Variants in OSBPL2 observed in about 807,000 individuals in gnomAD.
The protein encoded by OSBPL2 is oxysterol binding protein like 2, also known as oxysterol-binding protein-related protein 2.
OSBPL2 carries 18 observed loss-of-function variants against 58.4 expected under a neutral mutation model. The ratio of observed to expected loss-of-function variants is 0.31; its 90% CI spans 0.21 to 0.46. The LOEUF (loss-of-function observed/expected upper bound fraction) is 0.46. Ranked by LOEUF, OSBPL2 falls within the 20% of genes least tolerant of loss-of-function variation. The pLI is 1.00. For synonymous variants in OSBPL2, 221 were observed against 234.1 expected, an observed-to-expected ratio of 0.94 and a Z score of 0.51; for missense variants, 461 against 616.5, an observed-to-expected ratio of 0.75 and a Z score of 2.67.
intron 1 of OSBPL2, among the ~76,000 whole-genome samples, chr20:62,248,784 G>A (rs1980328563): frequency 1.3e-5 from 2 of 152,064 alleles, no homozygotes; most frequent in African/African-American, 2.4e-5. Flanking sequence ...TCCAACACCT[G>A]GGGTCAAGCA....
intron 1 of OSBPL2, among the ~76,000 whole-genome samples, chr20:62,239,737 G>C (rs1979595279): frequency 6.6e-6 from 1 of 152,214 alleles, no homozygotes; most frequent in Non-Finnish European, 1.5e-5. Context: ...GGGAAGCCAC[G>C]GCCGTCCCTG....
intron 5 of OSBPL2, 39 bp downstream of exon 5, chr20:62,272,298 A>T (rs763987513): frequency 6.2e-7 from 1 of 1,604,202 alleles, no homozygotes; most frequent in Non-Finnish European, 8.5e-7. Flanking sequence ...TTGTCATGAA[A>T]GTGATGCCCC....
intron 1 of OSBPL2, among the ~76,000 whole-genome samples, chr20:62,250,956 A>G (rs1019439776): frequency 6.6e-6 from 1 of 151,970 alleles, no homozygotes; most frequent in African/African-American, 2.4e-5. Flanking sequence ...TAAATAAACA[A>G]GCAAAAGGGA....
intron 11 of OSBPL2, 28 bp from the exon 12 acceptor site, chr20:62,289,179 G>A: frequency 2.5e-6 from 4 of 1,612,566 alleles, no homozygotes; most frequent in Non-Finnish European, 3.4e-6. Context: ...GCCCTGCTGA[G>A]GTCGTGTCTC....
At chr20:62,278,606 G>A (rs1438810753) in intron 6 of OSBPL2, 2 of 156,460 alleles carry the variant, frequency 1.3e-5, no homozygotes, top group Non-Finnish European at 2.5e-5. Flanking sequence ...TTGTGTGTGT[G>A]TCTGTTGCCA....
At chr20:62,282,292 G>A (rs1244545079) in intron 9 of OSBPL2, among the ~76,000 whole-genome samples, 3 of 152,280 alleles carry the variant, frequency 2.0e-5, no homozygotes, top group South Asian at 4.1e-4. Flanking sequence ...CTTGAGGGGC[G>A]TCAGTGTCAC....
At chr20:62,240,536 G>A (rs1358576552) in intron 1 of OSBPL2, among the ~76,000 whole-genome samples, 1 of 152,138 alleles carries the variant, frequency 6.6e-6, no homozygotes, top group African/African-American at 2.4e-5. Flanking sequence ...GGAACAGAGA[G>A]GTTAAGTAAC....
intron 1 of OSBPL2, among the ~76,000 whole-genome samples, chr20:62,249,644 GGCTTACT>G (rs1482783426): frequency 6.6e-6 from 1 of 152,092 alleles, no homozygotes; most frequent in Non-Finnish European, 1.5e-5. Flanking sequence ...GCGCGATCTC[GGCTTACT>G]GCAACCTCCG....
intron 4 of OSBPL2, among the ~76,000 whole-genome samples, chr20:62,264,196 C>T (rs1215406006): frequency 6.6e-6 from 1 of 152,108 alleles, no homozygotes; most frequent in Non-Finnish European, 1.5e-5. Context: ...GACATAAGAA[C>T]CATCCTGCAA....
chr20:62,266,946 T>C (rs937946683), intron 4 of OSBPL2, among the ~76,000 whole-genome samples: 2 of 152,210 alleles, frequency 1.3e-5, no homozygotes, highest in Non-Finnish European at 2.9e-5. Flanking sequence ...TGTTGCTCTT[T>C]CTCTGAATTT....
chr20:62,294,235 G>A lies in OSBPL2; in HGVS notation c.*348G>A, dbSNP rs1983719139. On this transcript the variant is annotated 3_prime_UTR_variant, in exon 14 of 14. Transcript: ENST00000313733. ...CATGTGTAGCTAAAGGAAGTAATGG[G>A]AAGGGGTTCATGTTCTCTTTATAAT... 1 of 305,844 alleles carries A rather than the reference G, an allele frequency of 3.3e-6. No individual in the cohort carries two copies. The highest frequency in any genetic ancestry group is 7.1e-5 in the East Asian group (1 of 14,078). 18.9% of individuals were successfully genotyped at this position (305,844 alleles called of 1,614,324 possible).
At chr20:62,245,736 C>T (rs1422493577) in intron 1 of OSBPL2, among the ~76,000 whole-genome samples, 1 of 152,206 alleles carries the variant, frequency 6.6e-6, no homozygotes, top group Non-Finnish European at 1.5e-5. Flanking sequence ...TCACTCGTGA[C>T]GGGCTGCAGA....
At chr20:62,258,194 C>T (rs1568832402) in intron 2 of OSBPL2, among the ~76,000 whole-genome samples, 1 of 152,148 alleles carries the variant, frequency 6.6e-6, no homozygotes, top group Non-Finnish European at 1.5e-5. Flanking sequence ...AAGGGACAGA[C>T]ATCTAGGTGA....
chr20:62,243,816 C>T (rs932185106), intron 1 of OSBPL2, among the ~76,000 whole-genome samples: 3 of 149,920 alleles, frequency 2.0e-5, no homozygotes, highest in Admixed American at 1.3e-4. Flanking sequence ...AAAAAATGAA[C>T]GAAAAATTTT....
intron 4 of OSBPL2, among the ~76,000 whole-genome samples, chr20:62,270,102 G>A (rs753129862): frequency 7.2e-5 from 11 of 152,224 alleles, no homozygotes; most frequent in Non-Finnish European, 1.5e-4. Flanking sequence ...CGTCCTTGTG[G>A]TGCTGTGCAC....
Position 62,279,302 on chromosome 20 carries a change from G to A in OSBPL2, c.637G>A (p.Ala213Thr), listed in dbSNP as rs1268748941. 2 of 1,614,250 alleles carry A rather than the reference G, an allele frequency of 1.2e-6. No individual in the cohort carries two copies. The highest frequency in any genetic ancestry group is 2.7e-5 in the African/African-American group (2 of 75,066). Residue 213 changes from alanine (A) to threonine (T), a missense_variant, in exon 7 of 14, where the codon GCG becomes ACG. Around this residue, in one of 5 missense-constraint regions of OSBPL2, gnomAD observed 319 missense variants for 419.2 expected, o/e 0.76. Transcript: ENST00000313733. Reference sequence around the variant, plus strand: ...CAAGTTCTGGGGCAAAAGCGTGGAGGCGGAGCCCCGAGGCACCATCACCCT... The same window carrying A: ...CAAGTTCTGGGGCAAAAGCGTGGAGACGGAGCCCCGAGGCACCATCACCCT... ...KLKFWGKSVE[A>T]EPRGTITLEL...
chr20:62,291,214 AT>A, intron 12 of OSBPL2: 1 of 108,846 alleles, frequency 9.2e-6, no homozygotes, highest in South Asian at 1.4e-4. Flanking sequence ...TGACCTGGGA[AT>A]GGATGTAACT....
At chr20:62,291,456 T>G in intron 12 of OSBPL2, 3 of 508,544 alleles carry the variant, frequency 5.9e-6, no homozygotes, top group Non-Finnish European at 1.1e-5. Flanking sequence ...AGTAGTGCTG[T>G]CGTAGAACAC....
At chr20:62,255,722 C>G (rs2145926966) in intron 1 of OSBPL2, among the ~76,000 whole-genome samples, 1 of 152,294 alleles carries the variant, frequency 6.6e-6, no homozygotes. Context: ...CCAGGCTGGT[C>G]CCAAGCTCCT....
Sources: allele counts gnomAD v4.1 joint callset (sites outside exome capture counted in the v4.1 genomes callset), GRCh38; gene constraint gnomAD v4.1.1; regional missense constraint gnomAD v4.1.1; transcripts MANE v1.5; gene names NCBI Gene and HGNC (gene_info 2026-07-23, HGNC 2026-07-21).